The following PDCD11 variants were observed in gnomAD, a reference collection of about 807,000 sequenced individuals.
PDCD11 encodes protein RRP5 homolog.
In PDCD11, 97 loss-of-function variants were observed where a neutral mutation model predicts 198.9. The ratio of observed to expected loss-of-function variants is 0.49; its 90% CI spans 0.41 to 0.58. The LOEUF (loss-of-function observed/expected upper bound fraction) is 0.58, where lower values mean the gene tolerates loss of function less well. PDCD11 is among the 20% of genes least tolerant of loss of function. The probability of loss-of-function intolerance (pLI) is 0.00; values close to 1 mark genes in which losing one functional copy is unlikely to be tolerated. For synonymous variants in PDCD11, 893 were observed against 918.0 expected, an observed-to-expected ratio of 0.97 and a Z score of 0.49; for missense variants, 2,102 against 2,312.7, an observed-to-expected ratio of 0.91 and a Z score of 1.87.
chr10:103,438,794 C>T lies in PDCD11; in HGVS notation c.4011C>T (p.His1337=), dbSNP rs775532662. The part of the protein sequence containing the change: ...LRGYVGSIQP[H]GVFFRLGPSV... ...GCTATGTAGGGTCCATCCAGCCACA[C>T]GGTGTGTTCTTTCGGTGAGTGAGGG... Residue 1337 remains histidine (H), a synonymous_variant, in exon 27 of 36, where the codon CAC becomes CAT. Transcript: ENST00000369797. The T allele has an allele frequency of 3.5e-5, 57 of 1,614,002 alleles. No homozygotes were observed. Among genetic ancestry groups the T allele is most frequent in the Middle Eastern group, 1.7e-4 (1 of 5,984 alleles).
In PDCD11 at chr10:103,419,553, C is replaced by T; in HGVS notation, c.2122C>T (p.Pro708Ser). ...SEGRVLLCRK[P>S]ALVSTVEGGQ... ...GTACCACTAGCTTCTTTGCAGGAAG[C>T]CAGCCTTGGTCTCCACAGTAGAAGG... is the stretch of plus-strand genomic sequence containing the variant. Residue 708 changes from proline (P) to serine (S), a missense_variant, in exon 16 of 36, where the codon CCA becomes TCA. By Grantham distance (74) the Pro-to-Ser change is moderately conservative. Coordinates refer to ENST00000369797, the MANE Select transcript of PDCD11 (RefSeq NM_014976.2). 6.2e-7 allele frequency: 1 copy of T among 1,613,344 alleles called. No homozygotes were observed. Among genetic ancestry groups the T allele is most frequent in the Admixed American group, 1.7e-5 (1 of 59,862 alleles).
intron 16 of PDCD11, among the ~76,000 whole-genome samples, chr10:103,420,516 A>G (rs547834039): frequency 1.6e-4 from 24 of 152,234 alleles, no homozygotes; most frequent in South Asian, 6.2e-4. Context: ...TGTGCCTGGC[A>G]CGTCAGCCGA....
chr10:103,425,156 C>A lies in PDCD11; in HGVS notation c.2936C>A (p.Thr979Asn), dbSNP rs774266366. Residue 979 changes from threonine (T) to asparagine (N), a missense_variant, in exon 20 of 36, where the codon ACC (threonine) becomes AAC (asparagine). Coordinates refer to ENST00000369797, the MANE Select transcript of PDCD11 (RefSeq NM_014976.2). Reference protein sequence around the residue: ...KLQVGQGVSLTLKTTEPGVTG... With the variant: ...KLQVGQGVSLNLKTTEPGVTG... ...CAGGTGGGACAGGGTGTCTCCCTAA[C>A]CCTCAAGACCACAGAACCAGGAGTG... 3.7e-5 allele frequency: 60 copies of A among 1,614,040 alleles called. No individual in the cohort carries two copies. The highest frequency in any genetic ancestry group is 4.8e-5 in the Non-Finnish European group (57 of 1,180,042).
intron 3 of PDCD11, among the ~76,000 whole-genome samples, chr10:103,402,387 T>C (rs1002282069): frequency 1.3e-5 from 2 of 152,120 alleles, no homozygotes; most frequent in African/African-American, 4.8e-5. Context: ...TGTACACATG[T>C]GTATTTCTTT....
intron 8 of PDCD11, 80 bp from the exon 9 acceptor site, chr10:103,413,036 A>T: frequency 9.4e-7 from 1 of 1,062,512 alleles, no homozygotes; most frequent in Non-Finnish European, 1.5e-6. Flanking sequence ...AGCATGTGGA[A>T]AGGCTTGATG....
At chr10:103,414,464 T>G in intron 11 of PDCD11, 134 bp downstream of exon 11, 1 of 644,664 alleles carries the variant, frequency 1.6e-6, no homozygotes, top group Non-Finnish European at 2.7e-6. Context: ...GCCTGCTGAC[T>G]AGAATTTCTT....
At chr10:103,445,331 G>C in intron 35 of PDCD11, 47 bp from the exon 36 acceptor site, 1 of 1,599,194 alleles carries the variant, frequency 6.3e-7, no homozygotes, top group Non-Finnish European at 8.6e-7. Flanking sequence ...CAGGAAGCAC[G>C]TGACCTGGGA....
At chr10:103,434,404 G>A (rs1446619961) in intron 24 of PDCD11, 54 bp downstream of exon 24, 4 of 1,172,176 alleles carry the variant, frequency 3.4e-6, no homozygotes, top group African/African-American at 1.5e-5. Flanking sequence ...GGAAGGGGTG[G>A]GATGGGTTTT....
Position 103,442,187 on chromosome 10 carries a change from C to T in PDCD11, c.4708-26C>T, listed in dbSNP as rs748767726. On this transcript the variant is annotated intron_variant, in intron 31 of 35. Transcript: ENST00000369797. ...CCTAGGCCTTGAGGAGCAGATGACT[C>T]ACGGTGTTTCTGCTTTCCATAGCAG... 9 of 1,611,678 alleles carry T rather than the reference C, an allele frequency of 5.6e-6. No individual in the cohort carries two copies. In the Admixed American group the frequency reaches 1.5e-4, roughly 27 times the overall value.
chr10:103,410,396 T>C (rs545023665), intron 8 of PDCD11, among the ~76,000 whole-genome samples: 1 of 152,286 alleles, frequency 6.6e-6, no homozygotes, highest in Admixed American at 6.5e-5. Context: ...GTAGTATTTT[T>C]GTTTTTATAA....
chr10:103,424,347 T>A (rs1182837713), intron 19 of PDCD11, among the ~76,000 whole-genome samples: 1 of 152,242 alleles, frequency 6.6e-6, no homozygotes, highest in Admixed American at 6.5e-5. Flanking sequence ...AGTGTAGATA[T>A]AATCCTTAAT....
rs1470412556 is a variant in PDCD11, at chr10:103,443,152, G to C, written c.4956-13G>C. On this transcript the variant is annotated splice_polypyrimidine_tract_variant and intron_variant, in intron 32 of 35. Coordinates refer to ENST00000369797, the MANE Select transcript of PDCD11 (RefSeq NM_014976.2). ...TTCATGTGGCGCTCATGTGCTGACT[G>C]CTCTCCCTCCAGAGAGGAGCAGGAG... The C allele has an allele frequency of 7.7e-6, 12 of 1,563,940 alleles. No individual in the cohort carries two copies. Among genetic ancestry groups the C allele is most frequent in the African/African-American group, 1.4e-5 (1 of 73,704 alleles).
At chr10:103,437,235 G>T (rs1452509984) in intron 25 of PDCD11, among the ~76,000 whole-genome samples, 1 of 152,124 alleles carries the variant, frequency 6.6e-6, no homozygotes, top group African/African-American at 2.4e-5. Context: ...TCAAATTCTT[G>T]GGCTCAAACA....
At chr10:103,428,362 A>G (rs995090617) in intron 21 of PDCD11, among the ~76,000 whole-genome samples, 2 of 151,956 alleles carry the variant, frequency 1.3e-5, no homozygotes. Flanking sequence ...TTCAGATGCT[A>G]ATAACACTTT....
intron 27 of PDCD11, among the ~76,000 whole-genome samples, chr10:103,439,348 T>A (rs2032282408): frequency 6.6e-6 from 1 of 152,126 alleles, no homozygotes; most frequent in African/African-American, 2.4e-5. Context: ...TCTAAAAAAA[T>A]TAAATTTAAA....
intron 25 of PDCD11, among the ~76,000 whole-genome samples, chr10:103,437,289 G>A (rs1215763827): frequency 1.3e-5 from 2 of 151,968 alleles, no homozygotes; most frequent in Non-Finnish European, 2.9e-5. Context: ...CTACAGGTGT[G>A]TGCCACCACA....
Position 103,442,331 on chromosome 10 carries a change from A to T in PDCD11, c.4826A>T (p.Asp1609Val), listed in dbSNP as rs753489214. The change falls in exon 32 of 36, where the codon GAC (aspartate) becomes GTC (valine). Residue 1609 changes from aspartate to valine, a missense_variant. Transcript: ENST00000369797. ...CAGCCAGAGTCCGCGGATGATTTTG[A>T]CCGACTGGTGCTGAGCTCCCCCAAC... ...GRQPESADDF[D>V]RLVLSSPNSS... is the part of the protein sequence containing the mutation. 4 of 1,614,196 alleles carry T rather than the reference A, an allele frequency of 2.5e-6. No individual in the cohort carries two copies. In the African/African-American group the frequency reaches 4.0e-5, roughly 16 times the overall value.
intron 2 of PDCD11, 38 bp downstream of exon 2, chr10:103,398,566 C>T: frequency 7.7e-7 from 1 of 1,304,762 alleles, no homozygotes; most frequent in Non-Finnish European, 1.1e-6. Context: ...TCACTGGAAA[C>T]TTTTACTGTA....
intron 24 of PDCD11, 151 bp from the exon 25 acceptor site, chr10:103,434,647 G>C: frequency 1.6e-6 from 1 of 629,298 alleles, no homozygotes; most frequent in Non-Finnish European, 2.7e-6. Flanking sequence ...TACATGGCAG[G>C]GTGATCTCAG....
Sources: allele counts gnomAD v4.1 joint callset (sites outside exome capture counted in the v4.1 genomes callset), GRCh38; gene constraint gnomAD v4.1.1; transcripts MANE v1.5; gene names NCBI Gene and HGNC (gene_info 2026-07-23, HGNC 2026-07-21).